PCBD2: variants seen among roughly 807,000 people sequenced by gnomAD.
PCBD2 encodes pterin-4-alpha-carbinolamine dehydratase 2.
A neutral mutation model predicts 16.4 loss-of-function variants in PCBD2; 12 were observed. That is an observed-to-expected ratio of 0.73 (90% CI 0.47 to 1.19). PCBD2 has a LOEUF of 1.19. Ranked by LOEUF, PCBD2 falls within the 50% of genes most tolerant of loss-of-function variation. The pLI is 0.00. For missense variants in PCBD2, 138 were observed against 156.8 expected (o/e 0.88, Z 0.64); for synonymous variants, 58 against 61.8 (o/e 0.94, Z 0.29).
intron 2 of PCBD2, among the ~76,000 whole-genome samples, chr5:134,935,465 G>A (rs1344625701): frequency 6.6e-6 from 1 of 151,978 alleles, no homozygotes; most frequent in Non-Finnish European, 1.5e-5. Context: ...ATTATTTTGG[G>A]GTGTCATTAT....
intron 2 of PCBD2, among the ~76,000 whole-genome samples, chr5:134,914,340 T>A (rs560726657): frequency 6.6e-6 from 1 of 152,154 alleles, no homozygotes; most frequent in African/African-American, 2.4e-5. Context: ...AATAGTCATT[T>A]TGGAGACTAA....
intron 2 of PCBD2, among the ~76,000 whole-genome samples, chr5:134,935,375 A>G (rs933288933): frequency 6.6e-6 from 1 of 152,104 alleles, no homozygotes; most frequent in Non-Finnish European, 1.5e-5. Context: ...CCTTTATGTG[A>G]CCTTCCTAAA....
Position 134,962,384 on chromosome 5 carries a change from G to GT in PCBD2, c.*1704dup, listed in dbSNP as rs773160672. On this transcript the variant is annotated 3_prime_UTR_variant, in exon 4 of 4. Transcript: ENST00000254908. Reference sequence around the variant, plus strand: ...GTTGGGATTACAGGTGTGAGCCACTGTGTCATAACAATTATTTTAAAATTT... The same window carrying GT: ...GTTGGGATTACAGGTGTGAGCCACTGTTGTCATAACAATTATTTTAAAATTT... Among the ~76,000 whole-genome samples, 129 of 152,196 alleles carry GT rather than the reference G, an allele frequency of 8.5e-4. 1 individual carries two copies. Among genetic ancestry groups the GT allele is most frequent in the Non-Finnish European group, 1.6e-3 (109 of 68,008 alleles).
chr5:134,936,808 T>C (rs530200863), intron 2 of PCBD2, among the ~76,000 whole-genome samples: 72 of 152,324 alleles, frequency 4.7e-4, no homozygotes, highest in Non-Finnish European at 8.1e-4. Context: ...CCTTAGAAGG[T>C]TGATTTTGAG....
chr5:134,922,952 A>C (rs1456495670), intron 2 of PCBD2, among the ~76,000 whole-genome samples: 1 of 152,226 alleles, frequency 6.6e-6, no homozygotes, highest in Non-Finnish European at 1.5e-5. Context: ...CTGGGATTAC[A>C]GGCGTGAGCC....
intron 2 of PCBD2, chr5:134,926,769 A>C: frequency 2.5e-6 from 1 of 397,830 alleles, no homozygotes; most frequent in East Asian, 3.6e-5. Context: ...TATGTTGTTA[A>C]TGTGGTGGCT....
At chr5:134,916,545 G>A (rs1160476861) in intron 2 of PCBD2, among the ~76,000 whole-genome samples, 5 of 152,162 alleles carry the variant, frequency 3.3e-5, no homozygotes, top group South Asian at 2.1e-4. Flanking sequence ...TTCAGTGACC[G>A]TGGATGAAAA....
rs1428142175 is a variant in PCBD2 at position 134,962,167 on chromosome 5, C to T, written c.*1486C>T. Among the ~76,000 whole-genome samples, 1 of 151,866 alleles carries T rather than the reference C, an allele frequency of 6.6e-6. No homozygotes were observed. Among genetic ancestry groups the T allele is most frequent in the Non-Finnish European group, 1.5e-5 (1 of 68,012 alleles). ...AGTGTAGTGGTGCGACCATGGCTCACTGTAGTCTTGACTTCTCAGGCTCAA... is the reference window on the plus strand; with the variant it reads ...AGTGTAGTGGTGCGACCATGGCTCATTGTAGTCTTGACTTCTCAGGCTCAA... On this transcript the variant is annotated 3_prime_UTR_variant, in exon 4 of 4. Transcript: ENST00000254908.
chr5:134,927,413 A>C (rs17165402), intron 2 of PCBD2: 157,005 of 397,994 alleles, frequency 0.39, 31,597 homozygotes, highest in South Asian at 0.47. Flanking sequence ...GACCGTAAAG[A>C]GGTATTTTTA....
intron 2 of PCBD2, among the ~76,000 whole-genome samples, chr5:134,911,260 G>C (rs1450863803): frequency 6.6e-6 from 1 of 152,066 alleles, no homozygotes; most frequent in African/African-American, 2.4e-5. Context: ...TCCCTGACTG[G>C]CTTATTTTTC....
At chr5:134,931,242 A>G (rs1436795449) in intron 2 of PCBD2, among the ~76,000 whole-genome samples, 1 of 152,134 alleles carries the variant, frequency 6.6e-6, no homozygotes, top group African/African-American at 2.4e-5. Flanking sequence ...GTGGTGTGCT[A>G]TAAAGAAAAG....
At chr5:134,959,536 G>T (rs1014907682) in intron 3 of PCBD2, among the ~76,000 whole-genome samples, 1 of 152,094 alleles carries the variant, frequency 6.6e-6, no homozygotes, top group African/African-American at 2.4e-5. Flanking sequence ...TGTATCCTGC[G>T]TAGGAAATGA....
intron 2 of PCBD2, chr5:134,925,928 C>T (rs906762871): frequency 3.6e-5 from 14 of 391,268 alleles, no homozygotes; most frequent in Non-Finnish European, 5.0e-5. Flanking sequence ...CCGATGTCGC[C>T]GATACGGTTG....
chr5:134,913,942 G>A (rs539386490), intron 2 of PCBD2, among the ~76,000 whole-genome samples: 1 of 152,290 alleles, frequency 6.6e-6, no homozygotes, highest in African/African-American at 2.4e-5. Flanking sequence ...GGTGCAAGGT[G>A]GGGGGCAGGG....
chr5:134,935,014 G>T (rs1751142836), intron 2 of PCBD2, among the ~76,000 whole-genome samples: 1 of 152,132 alleles, frequency 6.6e-6, no homozygotes, highest in Admixed American at 6.5e-5. Context: ...AGCACTCCTA[G>T]TGCCCATTAA....
chr5:134,951,148 T>C (rs1751354987), intron 2 of PCBD2, among the ~76,000 whole-genome samples: 1 of 152,154 alleles, frequency 6.6e-6, no homozygotes. Flanking sequence ...TTCTCAACCA[T>C]CCAGTTCCCA....
intron 1 of PCBD2, chr5:134,908,680 A>AG (rs1249642924): frequency 6.6e-6 from 1 of 152,118 alleles, no homozygotes; most frequent in African/African-American, 2.4e-5. Flanking sequence ...AAAAAAAAAA[A>AG]AAGGTACTCT....
intron 2 of PCBD2, among the ~76,000 whole-genome samples, chr5:134,936,214 G>C (rs900995790): frequency 2.6e-5 from 4 of 152,228 alleles, no homozygotes; most frequent in African/African-American, 9.6e-5. Context: ...TAACTTGGGT[G>C]CCCTGTTTGT....
At chr5:134,914,790 G>T (rs1750808187) in intron 2 of PCBD2, among the ~76,000 whole-genome samples, 3 of 151,950 alleles carry the variant, frequency 2.0e-5, no homozygotes, top group Admixed American at 2.0e-4. Flanking sequence ...TTCTGCCTCA[G>T]CCTCCAGAGT....
Sources: allele counts gnomAD v4.1 joint callset (sites outside exome capture counted in the v4.1 genomes callset), GRCh38; gene constraint gnomAD v4.1.1; transcripts MANE v1.5; gene names NCBI Gene and HGNC (gene_info 2026-07-23, HGNC 2026-07-21).